FANCB: variants seen among roughly 807,000 people sequenced by gnomAD.
FANCB encodes Fanconi anemia group B protein.
A neutral mutation model predicts 38.9 loss-of-function variants in FANCB; 5 were observed. That is an observed-to-expected ratio of 0.13 (90% CI 0.07 to 0.27). The LOEUF is 0.27. FANCB is among the 10% of genes least tolerant of loss of function. The pLI is 1.00. For missense variants in FANCB, 573 were observed against 602.7 expected (o/e 0.95, Z 0.52); for synonymous variants, 236 against 215.4 (o/e 1.10, Z -0.84).
the FANCB span, among the ~76,000 whole-genome samples, chrX:14,691,152 A>C: frequency 4.6e-4 from 52 of 112,004 alleles, no homozygotes; most frequent in Non-Finnish European, 7.3e-4. Flanking sequence ...TATACTAAAA[A>C]TTGTTTATCT....
rs2092465386 is a variant in FANCB at position 14,865,447 on chromosome X, C to T, written c.64G>A (p.Val22Ile). The T allele has an allele frequency of 3.3e-6, 4 of 1,208,696 alleles. No individual in the cohort carries two copies. Among genetic ancestry groups the T allele is most frequent in the Non-Finnish European group, 4.5e-6 (4 of 894,563 alleles). The stretch of plus-strand genomic sequence containing the variant: ...CCTTTAGACAACTGGAAAACAAGGA[C>T]TTCCCCATTATAACACAAGAGCCTT... ...QERLLCYNGE[V>I]LVFQLSKGNF... The change falls in exon 3 of 10, where the codon GTC (valine) becomes ATC (isoleucine). Residue 22 changes from valine to isoleucine, a missense_variant. Val to Ile is a conservative substitution (Grantham distance 29). Coordinates refer to ENST00000650831, the MANE Select transcript of FANCB (RefSeq NM_001018113.3).
the FANCB span, among the ~76,000 whole-genome samples, chrX:14,700,989 A>G: frequency 9.1e-6 from 1 of 109,994 alleles, no homozygotes; most frequent in Non-Finnish European, 1.9e-5. Flanking sequence ...AAAAGAAGGA[A>G]TAAGAATAAG....
At chrX:14,786,106 AGCAAGGGG>A in the FANCB span, among the ~76,000 whole-genome samples, 5 of 111,631 alleles carry the variant, frequency 4.5e-5, no homozygotes, top group Admixed American at 4.7e-4. Context: ...CCTGCCTTGA[AGCAAGGGG>A]GCTGGGCCTT....
chrX:14,820,883 AATCTAAAATG>A, the FANCB span, among the ~76,000 whole-genome samples: 1 of 111,827 alleles, frequency 8.9e-6, no homozygotes, highest in African/African-American at 3.2e-5. Context: ...ATTGAAAGCA[AATCTAAAATG>A]ATCCCAAATT....
the FANCB span, among the ~76,000 whole-genome samples, chrX:14,812,707 A>T: frequency 1.8e-5 from 2 of 108,165 alleles, no homozygotes; most frequent in African/African-American, 6.8e-5. Context: ...CAGGACCAGA[A>T]GGATTCACTG....
chrX:14,871,640 G>GTGTA (rs1491133954), intron 1 of FANCB, among the ~76,000 whole-genome samples: 1 of 73,501 alleles, frequency 1.4e-5, no homozygotes, highest in Admixed American at 1.3e-4. Context: ...GTGTGTGTGT[G>GTGTA]TATATATATA....
chrX:14,716,953 T>C, the FANCB span, among the ~76,000 whole-genome samples: 1 of 111,284 alleles, frequency 9.0e-6, no homozygotes, highest in Non-Finnish European at 1.9e-5. Flanking sequence ...CAGGCTAAAC[T>C]GAACCCCAAT....
chrX:14,729,520 G>A, the FANCB span, among the ~76,000 whole-genome samples: 1 of 111,379 alleles, frequency 9.0e-6, no homozygotes, highest in Admixed American at 9.6e-5. Context: ...ACTGACATCA[G>A]CTAAAATGAC....
chrX:14,804,932 C>T, the FANCB span, among the ~76,000 whole-genome samples: 1 of 112,250 alleles, frequency 8.9e-6, no homozygotes, highest in Non-Finnish European at 1.9e-5. Flanking sequence ...TCAGCTCTAC[C>T]ACTTAACAGA....
At chrX:14,712,543 C>T in the FANCB span, among the ~76,000 whole-genome samples, 6 of 109,419 alleles carry the variant, frequency 5.5e-5, no homozygotes, top group Non-Finnish European at 5.7e-5. Context: ...ATTAAAGTGG[C>T]GTTTTGTAGT....
chrX:14,774,985 A>G, the FANCB span, among the ~76,000 whole-genome samples: 2 of 109,781 alleles, frequency 1.8e-5, no homozygotes, highest in Non-Finnish European at 3.8e-5. Context: ...AGCGCCTGCC[A>G]CAACGCCCGG....
At chrX:14,815,803 A>G in the FANCB span, among the ~76,000 whole-genome samples, 1 of 112,351 alleles carries the variant, frequency 8.9e-6, no homozygotes, top group Non-Finnish European at 1.9e-5. Context: ...AATATGGTAC[A>G]TATATACCAT....
chrX:14,840,951 G>A (rs750027797), downstream of FANCB, among the ~76,000 whole-genome samples: 5 of 111,944 alleles, frequency 4.5e-5, 1 homozygote, highest in South Asian at 1.9e-3. Context: ...GAATAAAAAG[G>A]CAAGGCAGGA....
chrX:14,857,952 A>C lies in FANCB; in HGVS notation c.1107T>G (p.Ser369Arg), dbSNP rs756433447. ...ITDLGKINYSSEPSDCNEDDL... is the reference protein window; with the variant it reads ...ITDLGKINYSREPSDCNEDDL... ...CATCTTCATTGCAATCTGATGGTTC[A>C]CTCTAATAAATAAATAAATAAATAA... is the stretch of plus-strand genomic sequence containing the variant. The change falls in exon 5 of 10, where the codon AGT becomes AGG. Residue 369 changes from serine to arginine, a missense_variant and splice_region_variant. Physicochemically the swap from Ser to Arg is moderately radical, Grantham distance 110. Coordinates refer to ENST00000650831, the MANE Select transcript of FANCB (RefSeq NM_001018113.3). 2 of 1,091,521 alleles carry C rather than the reference A, an allele frequency of 1.8e-6. No homozygotes were observed. Among genetic ancestry groups the C allele is most frequent in the Non-Finnish European group, 2.5e-6 (2 of 788,866 alleles). The allele number at this position is 1,091,521 out of a possible 1,213,427, so 90.0% of individuals were successfully genotyped here.
the FANCB span, among the ~76,000 whole-genome samples, chrX:14,762,899 T>C: frequency 8.9e-6 from 1 of 112,643 alleles, no homozygotes; most frequent in African/African-American, 3.2e-5. Context: ...AATTTTGATA[T>C]TTCATTTTAT....
chrX:14,826,969 C>A, the FANCB span, among the ~76,000 whole-genome samples: 4 of 111,484 alleles, frequency 3.6e-5, no homozygotes, highest in African/African-American at 1.3e-4. Context: ...CTTCCTTTCT[C>A]CCCAGATGGC....
chrX:14,697,143 CCAG>C, the FANCB span, among the ~76,000 whole-genome samples: 26 of 110,956 alleles, frequency 2.3e-4, no homozygotes, highest in South Asian at 1.5e-3. Flanking sequence ...TTACTATATG[CCAG>C]GTACTCTTCT....
the FANCB span, chrX:14,730,725 TC>T: frequency 1.4e-5 from 5 of 365,948 alleles, no homozygotes; most frequent in Non-Finnish European, 1.9e-5. Flanking sequence ...CCTTCCATAA[TC>T]TTTAGCATTG....
the FANCB span, among the ~76,000 whole-genome samples, chrX:14,769,624 A>C: frequency 2.7e-5 from 3 of 110,873 alleles, no homozygotes; most frequent in African/African-American, 9.9e-5. Flanking sequence ...GGATTCATTG[A>C]TTTTTGAAGG....
Sources: gnomAD v4.1 joint callset for allele counts (sites outside exome capture counted in the v4.1 genomes callset) on GRCh38, gnomAD v4.1.1 for gene constraint, MANE v1.5 for transcripts, NCBI Gene and HGNC (gene_info 2026-07-23, HGNC 2026-07-21) for gene names.